VAV3: variants seen among roughly 807,000 people sequenced by gnomAD.
The protein encoded by VAV3 is vav guanine nucleotide exchange factor 3.
VAV3 carries 94 observed loss-of-function variants against 131.2 expected under a neutral mutation model. The observed-to-expected ratio is 0.72, with a 90% CI of 0.61 to 0.85. The LOEUF is 0.85. Ranked by LOEUF, VAV3 falls within the 40% of genes least tolerant of loss-of-function variation. The pLI is 0.00. For missense variants in VAV3, 939 were observed against 1,002.7 expected (o/e 0.94, Z 0.86); for synonymous variants, 349 against 342.0 (o/e 1.02, Z -0.22).
intron 13 of VAV3, among the ~76,000 whole-genome samples, chr1:107,750,204 T>C (rs1663624901): frequency 6.6e-6 from 1 of 152,168 alleles, no homozygotes; most frequent in Non-Finnish European, 1.5e-5. Context: ...GAAACTGTGC[T>C]TTTACCCTCT....
chr1:107,590,549 T>C (rs568065894), intron 25 of VAV3, among the ~76,000 whole-genome samples: 27 of 152,258 alleles, frequency 1.8e-4, no homozygotes, highest in African/African-American at 6.3e-4. Flanking sequence ...TCCAGACCAC[T>C]CTCCTCAGTG....
chr1:107,842,356 G>C (rs72707743), intron 2 of VAV3, among the ~76,000 whole-genome samples: 114 of 152,326 alleles, frequency 7.5e-4, no homozygotes, highest in South Asian at 1.7e-3. Context: ...GCCCAGGAGT[G>C]AACAGCTGAC....
At chr1:107,750,815 A>T (rs1570893387) in intron 13 of VAV3, among the ~76,000 whole-genome samples, 1 of 152,170 alleles carries the variant, frequency 6.6e-6, no homozygotes, top group East Asian at 1.9e-4. Flanking sequence ...AAATTCAATT[A>T]TGTTTTTATG....
At chr1:107,864,562 G>T (rs1331571368) in intron 2 of VAV3, among the ~76,000 whole-genome samples, 1 of 152,230 alleles carries the variant, frequency 6.6e-6, no homozygotes, top group Non-Finnish European at 1.5e-5. Context: ...GAAGGAGGTT[G>T]CAGTGAGCCA....
intron 15 of VAV3, among the ~76,000 whole-genome samples, chr1:107,741,129 T>C (rs1342978574): frequency 6.6e-6 from 1 of 152,236 alleles, no homozygotes; most frequent in Admixed American, 6.5e-5. Context: ...GACAGCTTCA[T>C]GCAGATACTG....
At chr1:107,956,388 T>C (rs900850900) in intron 1 of VAV3, among the ~76,000 whole-genome samples, 9 of 152,214 alleles carry the variant, frequency 5.9e-5, no homozygotes, top group East Asian at 1.9e-4. Flanking sequence ...TAAAACGTGA[T>C]TGAGAATCCT....
At chr1:107,824,290 T>C (rs903007367) in intron 2 of VAV3, among the ~76,000 whole-genome samples, 4 of 152,196 alleles carry the variant, frequency 2.6e-5, no homozygotes, top group African/African-American at 9.7e-5. Context: ...GAAATTTTTC[T>C]GAGAAAGGGA....
chr1:107,887,442 T>C (rs966726580), intron 1 of VAV3, among the ~76,000 whole-genome samples: 1 of 152,224 alleles, frequency 6.6e-6, no homozygotes, highest in Admixed American at 6.5e-5. Context: ...TTCTTTGGGA[T>C]AGAAATCTGC....
At chr1:107,888,843 T>G (rs1448689548) in intron 1 of VAV3, among the ~76,000 whole-genome samples, 1 of 152,184 alleles carries the variant, frequency 6.6e-6, no homozygotes, top group African/African-American at 2.4e-5. Context: ...ATTTTCTGTC[T>G]ATATTTCTAC....
chr1:107,760,776 T>G lies in VAV3; in HGVS notation c.1017+8A>C. 1 of 1,602,102 alleles carries G rather than the reference T, an allele frequency of 6.2e-7. No homozygotes were observed. The highest frequency in any genetic ancestry group is 8.5e-7 in the Non-Finnish European group (1 of 1,169,768). On this transcript the variant is annotated splice_region_variant and intron_variant, in intron 10 of 26. Transcript: ENST00000370056. ...TGGACAATAAATAAACTGTTTTAAG[T>G]TACATACCTGGAGGAGAAGGTGGTA...
chr1:107,705,136 A>G (rs1570788617), intron 15 of VAV3, 75 bp from the exon 16 acceptor site: 1 of 1,132,324 alleles, frequency 8.8e-7, no homozygotes, highest in African/African-American at 1.5e-5. Context: ...TAAACCCTAA[A>G]TTCATCAAAA....
chr1:107,906,259 T>C (rs11185214), intron 1 of VAV3, among the ~76,000 whole-genome samples: 24,280 of 152,196 alleles, frequency 0.16, 2,036 homozygotes, highest in South Asian at 0.22. Flanking sequence ...TTTTGTTTTG[T>C]TTTGTTTTGT....
In VAV3 at chr1:107,657,168, T is replaced by A. The variant is rs6682719; in HGVS notation, c.1778-14413A>T. On this transcript the variant is annotated intron_variant, in intron 19 of 26. Transcript: ENST00000370056. ...TGGAGTTTCACCATGTTCGCCAGGT[T>A]GATATCAAACTCCTGACCTCAAGTG... Among the ~76,000 whole-genome samples the A allele has an allele frequency of 1.3e-4, 20 of 152,058 alleles. No individual in the cohort carries two copies. The East Asian group carries it at 3.5e-3, about 27-fold the overall frequency.
chr1:107,881,613 G>C (rs1446683339), intron 1 of VAV3, among the ~76,000 whole-genome samples: 1 of 152,156 alleles, frequency 6.6e-6, no homozygotes, highest in African/African-American at 2.4e-5. Context: ...CTCTTCAGAA[G>C]GGCATGAATA....
chr1:107,762,496 G>C (rs967043561), intron 9 of VAV3, among the ~76,000 whole-genome samples: 3 of 152,156 alleles, frequency 2.0e-5, no homozygotes, highest in African/African-American at 2.4e-5. Flanking sequence ...TACTTCTACA[G>C]ATTGTAGAGA....
intron 19 of VAV3, among the ~76,000 whole-genome samples, chr1:107,655,716 A>T (rs1656500086): frequency 6.6e-6 from 1 of 152,104 alleles, no homozygotes. Context: ...TCTGACAGGG[A>T]ATTAATAACT....
Position 107,952,466 on chromosome 1 carries a change from C to CTTTTATATATATATATA in VAV3, c.204+12199_204+12200insTATATATATATATAAAA, listed in dbSNP as rs199697526. Among the ~76,000 whole-genome samples, 10 of 22,336 alleles carry CTTTTATATATATATATA rather than the reference C, an allele frequency of 4.5e-4. 1 individual carries two copies. The highest frequency in any genetic ancestry group is 6.9e-4 in the African/African-American group (10 of 14,522). The allele number at this position is 22,336 out of a possible 152,430, so 14.7% of individuals were successfully genotyped here. A position where few individuals can be genotyped will look rare whatever the true frequency, so the allele number is the denominator to read the frequency against. On this transcript the variant is annotated intron_variant, in intron 1 of 26. Transcript: ENST00000370056. ...CATGTGCCCCGAACTTATAACAAAACTTTATATATATATATATATACACAC... is the reference window on the plus strand; with the variant it reads ...CATGTGCCCCGAACTTATAACAAAACTTTTATATATATATATATTTATATATATATATATATACACAC...
intron 1 of VAV3, chr1:107,964,430 T>G: frequency 2.2e-6 from 1 of 463,474 alleles, no homozygotes; most frequent in Non-Finnish European, 3.9e-6. Context: ...AGAAAGCCTT[T>G]ACGAAATCCT....
At chr1:107,811,948 T>C (rs1279540617) in intron 2 of VAV3, among the ~76,000 whole-genome samples, 2 of 152,172 alleles carry the variant, frequency 1.3e-5, no homozygotes, top group East Asian at 3.8e-4. Context: ...CAGGCAGCCA[T>C]ACGCTCACAT....
Sources: gnomAD v4.1 joint callset for allele counts (sites outside exome capture counted in the v4.1 genomes callset) on GRCh38, gnomAD v4.1.1 for gene constraint, MANE v1.5 for transcripts, NCBI Gene and HGNC (gene_info 2026-07-23, HGNC 2026-07-21) for gene names.